Variants in ELFN1 observed in about 807,000 individuals in gnomAD.
ELFN1 encodes the protein protein ELFN1.
Under a neutral mutation model 7.6 loss-of-function variants are expected in ELFN1, and 6 were observed. The ratio of observed to expected loss-of-function variants is 0.79; its 90% CI spans 0.43 to 1.56. The LOEUF is 1.56. Among genes scored for constraint, ELFN1 ranks in the 40% most tolerant of loss-of-function variants. The probability of loss-of-function intolerance (pLI) is 0.01; values close to 1 mark genes in which losing one functional copy is unlikely to be tolerated. For synonymous variants in ELFN1, 657 were observed against 588.1 expected (o/e 1.12, Z -1.70); for missense variants, 1,169 against 1,232.2 (o/e 0.95, Z 0.77).
chr7:1,734,707 C>CT (rs543161002), intron 3 of ELFN1, among the ~76,000 whole-genome samples: 2,328 of 145,032 alleles, frequency 0.016, 37 homozygotes, highest in African/African-American at 0.039. Context: ...CTTTTTTTTT[C>CT]TTTTTTTTTT....
chr7:1,675,403 G>A (rs1430063446), intron 1 of ELFN1, among the ~76,000 whole-genome samples: 1 of 152,228 alleles, frequency 6.6e-6, no homozygotes, highest in Non-Finnish European at 1.5e-5. Context: ...TGTTGGGTTG[G>A]GTCCAGGCGG....
At chr7:1,700,357 C>T (rs1375191000) in intron 2 of ELFN1, among the ~76,000 whole-genome samples, 1 of 152,234 alleles carries the variant, frequency 6.6e-6, no homozygotes, top group African/African-American at 2.4e-5. Context: ...CTTTCCCAGT[C>T]CCAGAGCTCT....
At chr7:1,734,232 G>A (rs915006212) in intron 3 of ELFN1, among the ~76,000 whole-genome samples, 7 of 152,206 alleles carry the variant, frequency 4.6e-5, no homozygotes, top group African/African-American at 1.7e-4. Context: ...GTGGTGGGAG[G>A]GGGACCAGTG....
intron 3 of ELFN1, among the ~76,000 whole-genome samples, chr7:1,736,365 C>A (rs1780441579): frequency 6.6e-6 from 1 of 152,338 alleles, no homozygotes; most frequent in East Asian, 1.9e-4. Flanking sequence ...CGGCCCCGGC[C>A]CCACACCAGC....
intron 3 of ELFN1, among the ~76,000 whole-genome samples, chr7:1,713,845 C>T (rs1271449793): frequency 6.6e-6 from 1 of 152,212 alleles, no homozygotes. Context: ...AATCCCCGCA[C>T]CCTGCGTGCC....
chr7:1,709,873 A>G (rs565762470), intron 3 of ELFN1, among the ~76,000 whole-genome samples: 5 of 152,324 alleles, frequency 3.3e-5, no homozygotes, highest in Admixed American at 2.6e-4. Flanking sequence ...AGGTAGCTGG[A>G]CAAGTTCTTT....
intron 3 of ELFN1, among the ~76,000 whole-genome samples, chr7:1,726,499 G>A (rs940632644): frequency 1.3e-5 from 2 of 152,182 alleles, no homozygotes; most frequent in Admixed American, 6.5e-5. Context: ...CAGCTCCCCC[G>A]AGGCCTCACG....
chr7:1,684,775 A>G (rs1008584980), intron 1 of ELFN1, among the ~76,000 whole-genome samples: 37 of 152,148 alleles, frequency 2.4e-4, no homozygotes, highest in Admixed American at 6.5e-4. Flanking sequence ...TACTATTATT[A>G]TCATATATTT....
At chr7:1,687,061 C>A (rs999574979) in intron 1 of ELFN1, among the ~76,000 whole-genome samples, 3 of 151,880 alleles carry the variant, frequency 2.0e-5, no homozygotes, top group Non-Finnish European at 4.4e-5. Flanking sequence ...AGCAAAGCTG[C>A]TAGTTTTTAT....
Position 1,703,385 on chromosome 7 carries a change from G to A in ELFN1, c.-455-5706G>A, listed in dbSNP as rs1583337654. On this transcript the variant is annotated intron_variant, in intron 2 of 3. Transcript: ENST00000424383. ...TGTTCCTTTTTCTTATTTTTATTTG[G>A]TCAAATCTGCCTCCTTTTTCTTTTA... 3.3e-5 allele frequency among the ~76,000 whole-genome samples: 5 copies of A among 152,008 alleles called. No homozygotes were observed. In the East Asian group the frequency reaches 9.6e-4, roughly 29 times the overall value.
upstream of ELFN1, among the ~76,000 whole-genome samples, chr7:1,668,981 C>G (rs1024449690): frequency 2.6e-5 from 4 of 152,228 alleles, no homozygotes; most frequent in Non-Finnish European, 5.9e-5. Flanking sequence ...GGAGCCCCAC[C>G]CAGCCAGCCG....
chr7:1,707,932 G>T (rs896098296), intron 2 of ELFN1, among the ~76,000 whole-genome samples: 2 of 152,158 alleles, frequency 1.3e-5, no homozygotes, highest in African/African-American at 4.8e-5. Context: ...AGACCGGGGG[G>T]CCCCTCCTGG....
chr7:1,692,410 C>T (rs1046778020), intron 2 of ELFN1: 1 of 152,388 alleles, frequency 6.6e-6, no homozygotes, highest in South Asian at 2.1e-4. Context: ...ACACCTCTCT[C>T]CCAAGCCTGG....
At chr7:1,676,815 C>T (rs1778880111) in intron 1 of ELFN1, among the ~76,000 whole-genome samples, 1 of 152,232 alleles carries the variant, frequency 6.6e-6, no homozygotes, top group South Asian at 2.1e-4. Flanking sequence ...GTCCGGGCTG[C>T]TCCTGTGTCG....
chr7:1,725,611 G>A (rs1371655183), intron 3 of ELFN1, among the ~76,000 whole-genome samples: 4 of 152,208 alleles, frequency 2.6e-5, no homozygotes, highest in African/African-American at 4.8e-5. Flanking sequence ...CGGCTTCACC[G>A]AAAATGGAAT....
At chr7:1,738,937 G>A (rs1409557097) in intron 3 of ELFN1, 4 of 152,098 alleles carry the variant, frequency 2.6e-5, no homozygotes, top group African/African-American at 9.7e-5. Flanking sequence ...TGCAGAGCAG[G>A]GAGGGCTCTT....
Position 1,706,453 on chromosome 7 carries a change from AC to A in ELFN1, c.-455-2637del, listed in dbSNP as rs1779532809. On this transcript the variant is annotated intron_variant, in intron 2 of 3. Coordinates refer to ENST00000424383, the MANE Select transcript of ELFN1 (RefSeq NM_001128636.4). ...ACAAAACAAAACAAAACAAAACAAA[AC>A]AAAACAAAACAAAACACCCAGCAGT... 3.3e-5 allele frequency among the ~76,000 whole-genome samples: 5 copies of A among 151,272 alleles called. No individual in the cohort carries two copies. The South Asian group carries it at 8.3e-4, about 25-fold the overall frequency.
upstream of ELFN1, among the ~76,000 whole-genome samples, chr7:1,669,351 G>T (rs1232474728): frequency 6.6e-6 from 1 of 152,158 alleles, no homozygotes. Flanking sequence ...AGCGGGGAGG[G>T]GGCGCCGGCG....
chr7:1,689,335 A>G (rs1779114191), intron 2 of ELFN1, among the ~76,000 whole-genome samples: 1 of 152,236 alleles, frequency 6.6e-6, no homozygotes, highest in Non-Finnish European at 1.5e-5. Context: ...TGTAGTCACC[A>G]TTCCAGTCAT....
Sources: gnomAD v4.1 joint callset for allele counts (sites outside exome capture counted in the v4.1 genomes callset) on GRCh38, gnomAD v4.1.1 for gene constraint, MANE v1.5 for transcripts, NCBI Gene and HGNC (gene_info 2026-07-23, HGNC 2026-07-21) for gene names.